Variants in IER3IP1 observed in about 807,000 individuals in gnomAD.
The protein encoded by IER3IP1 is immediate early response 3-interacting protein 1.
A neutral mutation model predicts 12.2 loss-of-function variants in IER3IP1; 16 were observed. The observed-to-expected ratio is 1.31, with a 90% CI of 0.89 to 1.99. IER3IP1 has a LOEUF of 1.99. Ranked by LOEUF, IER3IP1 falls within the 30% of genes most tolerant of loss-of-function variation. IER3IP1 has a pLI of 0.00. For missense variants in IER3IP1, 95 were observed against 95.8 expected (o/e 0.99, Z 0.03); for synonymous variants, 42 against 40.0 (o/e 1.05, Z -0.19).
intron 1 of IER3IP1, among the ~76,000 whole-genome samples, chr18:47,167,367 T>G (rs1249078284): frequency 1.3e-5 from 2 of 152,264 alleles, no homozygotes; most frequent in East Asian, 3.9e-4. Context: ...ACCAGGAGTT[T>G]TTAATGTAAG....
At chr18:47,163,119 C>A (rs571532613) in intron 1 of IER3IP1, among the ~76,000 whole-genome samples, 1 of 152,118 alleles carries the variant, frequency 6.6e-6, no homozygotes, top group East Asian at 1.9e-4. Context: ...TATATGCACA[C>A]CTCTGGTAAA....
chr18:47,157,555 T>C lies in IER3IP1; in HGVS notation c.92-18A>G, dbSNP rs777717395. 6.2e-7 allele frequency: 1 copy of C among 1,608,060 alleles called. No homozygotes were observed. On this transcript the variant is annotated intron_variant, in intron 1 of 2. Transcript: ENST00000256433. The stretch of plus-strand genomic sequence containing the variant: ...CCAGCCAACTGTATAATGTAAAGAT[T>C]AGCTGTGTTAAAAGTTATTACACAC...
At chr18:47,166,371 G>A (rs2063996030) in intron 1 of IER3IP1, among the ~76,000 whole-genome samples, 1 of 152,166 alleles carries the variant, frequency 6.6e-6, no homozygotes, top group Non-Finnish European at 1.5e-5. Context: ...TATGACCCAT[G>A]GAGATGGGTC....
At chr18:47,166,202 T>C (rs2063995428) in intron 1 of IER3IP1, among the ~76,000 whole-genome samples, 1 of 152,220 alleles carries the variant, frequency 6.6e-6, no homozygotes, top group Non-Finnish European at 1.5e-5. Context: ...GGCTAAATTA[T>C]TTATAAGAAT....
intron 1 of IER3IP1, among the ~76,000 whole-genome samples, chr18:47,158,330 C>T (rs2063968097): frequency 6.6e-6 from 1 of 151,218 alleles, no homozygotes; most frequent in South Asian, 2.1e-4. Flanking sequence ...GTATTTCTTT[C>T]TTTTTTTTTA....
At chr18:47,171,722 G>A (rs1459306026) in intron 1 of IER3IP1, among the ~76,000 whole-genome samples, 1 of 152,008 alleles carries the variant, frequency 6.6e-6, no homozygotes, top group Non-Finnish European at 1.5e-5. Flanking sequence ...TGTGGAGGCT[G>A]CGAGAGCAGG....
chr18:47,164,036 T>C (rs1258941573), intron 1 of IER3IP1, among the ~76,000 whole-genome samples: 1 of 152,212 alleles, frequency 6.6e-6, no homozygotes, highest in Non-Finnish European at 1.5e-5. Flanking sequence ...TCAATTTTTA[T>C]TGGAAACCAT....
At position 47,169,126 on chromosome 18, in the gene IER3IP1, T is replaced by C. The variant is rs2064006872; in HGVS notation, c.91+7061A>G. Reference sequence around the variant, plus strand: ...CAACCACTAATCTACTTTCTGTCTATATAAAATTGCCTAGCATAAAGAGTA... The same window carrying C: ...CAACCACTAATCTACTTTCTGTCTACATAAAATTGCCTAGCATAAAGAGTA... On this transcript the variant is annotated intron_variant, in intron 1 of 2. Transcript: ENST00000256433. Among the ~76,000 whole-genome samples, 3 of 152,226 alleles carry C rather than the reference T, an allele frequency of 2.0e-5. No individual in the cohort carries two copies. The South Asian group carries it at 6.2e-4, about 32-fold the overall frequency.
At chr18:47,161,448 G>C (rs76118543) in intron 1 of IER3IP1, among the ~76,000 whole-genome samples, 1 of 152,132 alleles carries the variant, frequency 6.6e-6, no homozygotes, top group African/African-American at 2.4e-5. Flanking sequence ...GCTATCTCTT[G>C]CAAGACTCTT....
chr18:47,164,751 C>T lies in IER3IP1; in HGVS notation c.92-7214G>A, dbSNP rs143967108. 9.6e-4 allele frequency among the ~76,000 whole-genome samples: 144 copies of T among 150,488 alleles called. 1 individual carries two copies. In the Middle Eastern group the frequency reaches 0.01, roughly 11 times the overall value. On this transcript the variant is annotated intron_variant, in intron 1 of 2. Transcript: ENST00000256433. ...GAGCTGTGATCATGCTACTGCACTC[C>T]AGCCTGGGTGCCAGAGACCCTCTTT...
At chr18:47,165,552 C>CA (rs34723400) in intron 1 of IER3IP1, among the ~76,000 whole-genome samples, 10,990 of 122,124 alleles carry the variant, frequency 0.09, 1,246 homozygotes, top group African/African-American at 0.3. Flanking sequence ...GACTCTGTCT[C>CA]AAAAAAAAAA....
chr18:47,157,375 G>C (rs2063964578), intron 2 of IER3IP1, 61 bp downstream of exon 2: 3 of 1,387,724 alleles, frequency 2.2e-6, no homozygotes, highest in Non-Finnish European at 3.1e-6. Context: ...ACACTCAGAA[G>C]CCTTGCTACT....
chr18:47,165,414 G>A (rs897931397), intron 1 of IER3IP1, among the ~76,000 whole-genome samples: 9 of 152,022 alleles, frequency 5.9e-5, no homozygotes, highest in African/African-American at 9.7e-5. Context: ...TTATCTGGGC[G>A]TGGTAGCATG....
chr18:47,164,870 T>C (rs1284108830), intron 1 of IER3IP1, among the ~76,000 whole-genome samples: 1 of 151,944 alleles, frequency 6.6e-6, no homozygotes, highest in Non-Finnish European at 1.5e-5. Flanking sequence ...GAATAAATGA[T>C]AAGACCAGTC....
chr18:47,159,851 GA>G (rs1216370533), intron 1 of IER3IP1, among the ~76,000 whole-genome samples: 4 of 151,394 alleles, frequency 2.6e-5, no homozygotes, highest in Non-Finnish European at 5.9e-5. Flanking sequence ...TGCTCTTTTT[GA>G]AATTCTTCTA....
chr18:47,170,855 T>C (rs553037064), intron 1 of IER3IP1, among the ~76,000 whole-genome samples: 1 of 152,268 alleles, frequency 6.6e-6, no homozygotes, highest in Admixed American at 6.5e-5. Flanking sequence ...TTCAACCTCA[T>C]AATCTGGATG....
At chr18:47,161,379 G>A (rs917395911) in intron 1 of IER3IP1, among the ~76,000 whole-genome samples, 2 of 152,118 alleles carry the variant, frequency 1.3e-5, no homozygotes, top group Admixed American at 1.3e-4. Context: ...CAGGGGTTTC[G>A]TTCTTTTTTG....
intron 1 of IER3IP1, among the ~76,000 whole-genome samples, chr18:47,169,737 T>C (rs1302740686): frequency 1.3e-5 from 2 of 152,114 alleles, no homozygotes; most frequent in Non-Finnish European, 2.9e-5. Flanking sequence ...TTATTGATCA[T>C]TTGCTTATGT....
intron 1 of IER3IP1, among the ~76,000 whole-genome samples, chr18:47,168,794 G>A (rs941792149): frequency 5.3e-5 from 8 of 152,134 alleles, no homozygotes; most frequent in African/African-American, 1.9e-4. Context: ...AGTTACTTCT[G>A]CCAAAAAGTT....
Sources: allele counts gnomAD v4.1 joint callset (sites outside exome capture counted in the v4.1 genomes callset), GRCh38; gene constraint gnomAD v4.1.1; transcripts MANE v1.5; gene names NCBI Gene and HGNC (gene_info 2026-07-23, HGNC 2026-07-21).